Variants in SLC2A9 observed in about 807,000 individuals in gnomAD.
The protein encoded by SLC2A9 is solute carrier family 2 member 9.
Under a neutral mutation model 50.6 loss-of-function variants are expected in SLC2A9, and 39 were observed. The ratio of observed to expected loss-of-function variants is 0.77; its 90% confidence interval spans 0.60 to 1.01. The LOEUF (loss-of-function observed/expected upper bound fraction) is 1.01. Ranked by LOEUF, SLC2A9 falls within the 50% of genes least tolerant of loss-of-function variation. The pLI is 0.00. For missense variants in SLC2A9, 686 were observed against 677.6 expected (o/e 1.01, Z -0.14); for synonymous variants, 324 against 276.9 (o/e 1.17, Z -1.69).
intron 2 of SLC2A9, among the ~76,000 whole-genome samples, chr4:10,000,076 G>C (rs765821939): frequency 6.6e-6 from 1 of 151,878 alleles, no homozygotes; most frequent in Non-Finnish European, 1.5e-5. Flanking sequence ...GACACCCTCT[G>C]CTTGCGAGGT....
At chr4:9,803,433 G>A (rs1721726249) in intron 3 of SLC2A9, among the ~76,000 whole-genome samples, 1 of 152,158 alleles carries the variant, frequency 6.6e-6, no homozygotes, top group Non-Finnish European at 1.5e-5. Context: ...GCTTAACATA[G>A]GCAATATTCT....
intron 9 of SLC2A9, 69 bp downstream of exon 9, chr4:9,890,541 C>T: frequency 6.8e-7 from 1 of 1,466,088 alleles, no homozygotes; most frequent in Non-Finnish European, 9.6e-7. Context: ...ATCAAAGGCC[C>T]CAAAACGATG....
rs964207179 is a variant in SLC2A9 at position 9,820,911 on chromosome 4, C to T, written n.420+5509G>A. ...AATGTTTTGCTTTTCAATCTGTACA[C>T]CTTTTATTTATTTTTCTCACCTTGT... On this transcript the variant is annotated intron_variant and non_coding_transcript_variant, in intron 3 of 3. Coordinates refer to the SLC2A9 transcript ENST00000503280. Among the ~76,000 whole-genome samples, 3 of 152,130 alleles carry T rather than the reference C, an allele frequency of 2.0e-5. 1 individual carries two copies. The highest frequency in any genetic ancestry group is 4.8e-5 in the African/African-American group (2 of 41,430).
downstream of SLC2A9, among the ~76,000 whole-genome samples, chr4:9,822,767 A>C (rs1724585470): frequency 6.6e-6 from 1 of 152,160 alleles, no homozygotes; most frequent in Non-Finnish European, 1.5e-5. Flanking sequence ...TTGATTTTCT[A>C]AGGTGACTTT....
chr4:9,969,412 T>C (rs1349703363), intron 5 of SLC2A9, among the ~76,000 whole-genome samples: 1 of 152,244 alleles, frequency 6.6e-6, no homozygotes. Flanking sequence ...TTTACAGTTA[T>C]TTTAAATTTT....
intron 3 of SLC2A9, among the ~76,000 whole-genome samples, chr4:9,800,923 A>G (rs1721316167): frequency 6.6e-6 from 1 of 152,146 alleles, no homozygotes; most frequent in Non-Finnish European, 1.5e-5. Flanking sequence ...TGTTCCAGCC[A>G]TCCTAGTACA....
chr4:9,787,956 T>C (rs1012266249), intron 3 of SLC2A9, among the ~76,000 whole-genome samples: 2 of 152,226 alleles, frequency 1.3e-5, no homozygotes, highest in African/African-American at 4.8e-5. Flanking sequence ...TGTATTTCCT[T>C]TGGAGAAATA....
chr4:10,039,111 G>A (rs1490941890), intron 1 of SLC2A9, among the ~76,000 whole-genome samples: 1 of 152,244 alleles, frequency 6.6e-6, no homozygotes, highest in Non-Finnish European at 1.5e-5. Context: ...CTGCTCTAGA[G>A]TGTTCATGTG....
Position 9,909,424 on chromosome 4 carries a change from G to C in SLC2A9, c.1003-1079C>G, listed in dbSNP as rs142141871. ...GACTGAAAACCTTCCATCTTGTTGA[G>C]GTCTCTGTTGGGGTACCTGCCACAT... On this transcript the variant is annotated intron_variant, in intron 7 of 11. Transcript: ENST00000264784. 1.6e-3 allele frequency among the ~76,000 whole-genome samples: 236 copies of C among 152,250 alleles called. 1 individual carries two copies. The highest frequency in any genetic ancestry group is 5.6e-3 in the African/African-American group (232 of 41,540).
downstream of SLC2A9, among the ~76,000 whole-genome samples, chr4:9,776,210 T>C (rs1037372172): frequency 6.7e-6 from 1 of 148,876 alleles, no homozygotes; most frequent in Non-Finnish European, 1.5e-5. Context: ...TTTGACAGAG[T>C]TCTGAATGTT....
intron 5 of SLC2A9, among the ~76,000 whole-genome samples, chr4:9,943,212 G>T (rs1748513462): frequency 6.6e-6 from 1 of 152,204 alleles, no homozygotes; most frequent in African/African-American, 2.4e-5. Context: ...GAGCAGCAGG[G>T]CCCCAGGGCT....
At chr4:10,033,713 C>T (rs1021394825) in intron 1 of SLC2A9, among the ~76,000 whole-genome samples, 5 of 152,342 alleles carry the variant, frequency 3.3e-5, no homozygotes, top group Admixed American at 2.0e-4. Flanking sequence ...TACCCACTCA[C>T]TCAGCAACAC....
chr4:9,984,393 G>A lies in SLC2A9; in HGVS notation c.535+1276C>T, dbSNP rs111658696. Among the ~76,000 whole-genome samples, 391 of 152,278 alleles carry A rather than the reference G, an allele frequency of 2.6e-3. 2 individuals carry two copies. Among genetic ancestry groups the A allele is most frequent in the African/African-American group, 8.7e-3 (361 of 41,540 alleles). On this transcript the variant is annotated intron_variant, in intron 4 of 11. Coordinates refer to ENST00000264784, the MANE Select transcript of SLC2A9 (RefSeq NM_020041.3). ...TTAAGAAGCTCATGCTAGGTTCCAG[G>A]CAGTACATATGTGTATATGTGTGTG... is the stretch of plus-strand genomic sequence containing the variant.
At chr4:9,855,634 C>T (rs540382124) in intron 10 of SLC2A9, among the ~76,000 whole-genome samples, 2 of 152,146 alleles carry the variant, frequency 1.3e-5, no homozygotes, top group East Asian at 3.9e-4. Flanking sequence ...TAATATAAAA[C>T]CCAAAAAGAG....
chr4:9,878,185 T>C (rs1734600849), intron 10 of SLC2A9, among the ~76,000 whole-genome samples: 3 of 152,216 alleles, frequency 2.0e-5, no homozygotes, highest in African/African-American at 7.2e-5. Flanking sequence ...ATATATTTGA[T>C]TTTTGTCCCT....
Position 9,941,879 on chromosome 4 carries a change from G to C in SLC2A9, c.814+34C>G, listed in dbSNP as rs767387534. 4 of 1,613,154 alleles carry C rather than the reference G, an allele frequency of 2.5e-6. No individual in the cohort carries two copies. In the African/African-American group the frequency reaches 5.3e-5, roughly 22 times the overall value. ...CCTTGCAGTGATGATCTATGCAGGG[G>C]CTGGAGCTGTGCAGGAAAGGGAAGG... On this transcript the variant is annotated intron_variant, in intron 6 of 11. Transcript: ENST00000264784.
chr4:10,026,814 C>G (rs7669699), intron 1 of SLC2A9, among the ~76,000 whole-genome samples: 4 of 151,938 alleles, frequency 2.6e-5, no homozygotes, highest in Non-Finnish European at 5.9e-5. Flanking sequence ...GAGGCCGAGG[C>G]GGGTGGATCA....
intron 7 of SLC2A9, among the ~76,000 whole-genome samples, chr4:9,917,710 T>C (rs1743138323): frequency 6.6e-6 from 1 of 152,176 alleles, no homozygotes; most frequent in Non-Finnish European, 1.5e-5. Context: ...TCTGTGATGT[T>C]TGCTTGATAC....
At chr4:9,964,469 A>C (rs1752764643) in intron 5 of SLC2A9, among the ~76,000 whole-genome samples, 1 of 152,184 alleles carries the variant, frequency 6.6e-6, no homozygotes, top group Non-Finnish European at 1.5e-5. Flanking sequence ...CCTTCAACCC[A>C]TCTGAACATT....
Sources: allele counts gnomAD v4.1 joint callset (sites outside exome capture counted in the v4.1 genomes callset), GRCh38; gene constraint gnomAD v4.1.1; transcripts MANE v1.5; gene names NCBI Gene and HGNC (gene_info 2026-07-23, HGNC 2026-07-21).